The following FHIP1A variants were observed in gnomAD, a reference collection of about 807,000 sequenced individuals.
FHIP1A encodes the protein FHF complex subunit HOOK-interacting protein 1A.
FHIP1A carries 61 observed loss-of-function variants against 88.6 expected under a neutral mutation model. That is an observed-to-expected ratio of 0.69 (90% CI 0.56 to 0.85). The LOEUF (loss-of-function observed/expected upper bound fraction) is 0.85, where lower values mean the gene tolerates loss of function less well. Ranked by LOEUF, FHIP1A falls within the 40% of genes least tolerant of loss-of-function variation. The pLI is 0.00. For missense variants in FHIP1A, 1,154 were observed against 1,273.5 expected (o/e 0.91, Z 1.43); for synonymous variants, 478 against 496.0 (o/e 0.96, Z 0.48).
chr4:151,529,420 C>T (rs1560750977), intron 3 of FHIP1A, among the ~76,000 whole-genome samples: 2 of 152,154 alleles, frequency 1.3e-5, no homozygotes, highest in Admixed American at 6.5e-5. Context: ...AGCTTTACCT[C>T]CTAGTTCAAA....
At chr4:151,574,887 T>C (rs999413133) in intron 4 of FHIP1A, among the ~76,000 whole-genome samples, 1 of 150,602 alleles carries the variant, frequency 6.6e-6, no homozygotes, top group Non-Finnish European at 1.5e-5. Context: ...AATTCTCTTA[T>C]TCTTGACCAT....
At chr4:151,514,902 T>C (rs991490112) in intron 3 of FHIP1A, among the ~76,000 whole-genome samples, 3 of 152,200 alleles carry the variant, frequency 2.0e-5, no homozygotes, top group Non-Finnish European at 4.4e-5. Context: ...TCATTCCTTC[T>C]GAAAATATTC....
At chr4:151,607,461 A>G (rs1735117318) in intron 7 of FHIP1A, among the ~76,000 whole-genome samples, 1 of 152,238 alleles carries the variant, frequency 6.6e-6, no homozygotes, top group African/African-American at 2.4e-5. Flanking sequence ...AAGTAGATCT[A>G]GAAAATTTTA....
rs112290803 is a variant in FHIP1A at position 151,653,322 on chromosome 4, T to C, written c.2551+2730T>C. ...GACACGAGGTGTGGTCTCTAGGGTG[T>C]ATTGTTAAAAATACTAGGTCTCTCT... On this transcript the variant is annotated intron_variant, in intron 11 of 13. Coordinates refer to ENST00000435205, the MANE Select transcript of FHIP1A (RefSeq NM_001109977.3). Among the ~76,000 whole-genome samples the C allele has an allele frequency of 9.7e-3, 1,479 of 152,126 alleles. 19 individuals carry two copies. Among genetic ancestry groups the C allele is most frequent in the African/African-American group, 0.034 (1,406 of 41,480 alleles).
At chr4:151,649,206 A>G (rs2094789557) in intron 10 of FHIP1A, among the ~76,000 whole-genome samples, 1 of 152,226 alleles carries the variant, frequency 6.6e-6, no homozygotes, top group Non-Finnish European at 1.5e-5. Flanking sequence ...GTACCAGATA[A>G]TAGATTTCCA....
chr4:151,559,073 T>C (rs1166699996), intron 3 of FHIP1A, among the ~76,000 whole-genome samples: 1 of 152,196 alleles, frequency 6.6e-6, no homozygotes, highest in African/African-American at 2.4e-5. Context: ...TTTATATGTT[T>C]TCTGTTAAAT....
chr4:151,604,866 A>C (rs115234945), intron 7 of FHIP1A, among the ~76,000 whole-genome samples: 2,819 of 151,928 alleles, frequency 0.019, 38 homozygotes, highest in Non-Finnish European at 0.025. Context: ...AAAAATACTA[A>C]TAATAATAAT....
chr4:151,664,006 C>A lies in FHIP1A; in HGVS notation c.*1252C>A, dbSNP rs140607990. 7.9e-5 allele frequency among the ~76,000 whole-genome samples: 12 copies of A among 152,316 alleles called. No homozygotes were observed. In the East Asian group the frequency reaches 2.1e-3, roughly 27 times the overall value. The stretch of plus-strand genomic sequence containing the variant: ...AGCCACAGCCATGTTAAACCACCAC[C>A]AAGAGGGGAAAACAGAATAATTGTG... On this transcript the variant is annotated 3_prime_UTR_variant, in exon 14 of 14. Transcript: ENST00000435205.
intron 3 of FHIP1A, among the ~76,000 whole-genome samples, chr4:151,503,996 A>G (rs1256275799): frequency 6.6e-6 from 1 of 152,244 alleles, no homozygotes; most frequent in Non-Finnish European, 1.5e-5. Context: ...CTAAAGGTAA[A>G]TGTTCTCCAA....
At chr4:151,586,981 GT>G (rs1179188311) in intron 6 of FHIP1A, among the ~76,000 whole-genome samples, 182 bp downstream of exon 6, 1 of 152,102 alleles carries the variant, frequency 6.6e-6, no homozygotes, top group Non-Finnish European at 1.5e-5. Context: ...GTTTCTGGAA[GT>G]TTTAACTGAG....
chr4:151,412,584 T>TTTCCTTCC (rs1193555902), intron 1 of FHIP1A, among the ~76,000 whole-genome samples: 151 of 115,232 alleles, frequency 1.3e-3, no homozygotes, highest in South Asian at 4.7e-3. Context: ...CTTTCCTTTC[T>TTTCCTTCC]TTCCTTCCTT....
intron 1 of FHIP1A, among the ~76,000 whole-genome samples, chr4:151,412,580 T>TCCC (rs1554075760): frequency 1.8e-5 from 2 of 113,358 alleles, no homozygotes; most frequent in African/African-American, 6.9e-5. Flanking sequence ...CTTTCTTTCC[T>TCCC]TTCTTTCCTT....
intron 7 of FHIP1A, among the ~76,000 whole-genome samples, chr4:151,622,090 C>T (rs1341911215): frequency 6.6e-6 from 1 of 152,130 alleles, no homozygotes; most frequent in Non-Finnish European, 1.5e-5. Flanking sequence ...ATTCATGTTG[C>T]AGGTCAGTTG....
chr4:151,533,576 T>A (rs947974086), intron 3 of FHIP1A, among the ~76,000 whole-genome samples: 34 of 152,346 alleles, frequency 2.2e-4, no homozygotes, highest in African/African-American at 6.3e-4. Context: ...CTGTAATTAT[T>A]TATTGATCAC....
intron 2 of FHIP1A, among the ~76,000 whole-genome samples, chr4:151,479,924 G>T (rs1412572076): frequency 1.3e-5 from 2 of 152,036 alleles, no homozygotes; most frequent in Non-Finnish European, 2.9e-5. Context: ...TATTACACAG[G>T]ACTGTGAGCC....
At chr4:151,619,708 A>G (rs933547198) in intron 7 of FHIP1A, among the ~76,000 whole-genome samples, 7 of 152,244 alleles carry the variant, frequency 4.6e-5, no homozygotes, top group Admixed American at 2.6e-4. Context: ...TAAGCACCCA[A>G]TATATGCCAG....
At chr4:151,429,961 T>G (rs571540416) in intron 1 of FHIP1A, among the ~76,000 whole-genome samples, 2 of 152,258 alleles carry the variant, frequency 1.3e-5, no homozygotes, top group Non-Finnish European at 2.9e-5. Context: ...TTGCCACAGT[T>G]GAAAATTTCA....
At chr4:151,545,718 C>A (rs1483164044) in intron 3 of FHIP1A, among the ~76,000 whole-genome samples, 1 of 151,964 alleles carries the variant, frequency 6.6e-6, no homozygotes, top group African/African-American at 2.4e-5. Context: ...ATCTATATCC[C>A]TCCTCTTGTC....
chr4:151,514,072 A>T (rs1731135380), intron 3 of FHIP1A, among the ~76,000 whole-genome samples: 1 of 152,154 alleles, frequency 6.6e-6, no homozygotes, highest in African/African-American at 2.4e-5. Context: ...TCCTCAGCAA[A>T]TGTAAAAGAT....
Sources: allele counts gnomAD v4.1 joint callset (sites outside exome capture counted in the v4.1 genomes callset), GRCh38; gene constraint gnomAD v4.1.1; transcripts MANE v1.5; gene names NCBI Gene and HGNC (gene_info 2026-07-23, HGNC 2026-07-21).